PFKFB3: variants seen among roughly 807,000 people sequenced by gnomAD.
The protein encoded by PFKFB3 is 6-phosphofructo-2-kinase/fructose-2,6-bisphosphatase 3.
A neutral mutation model predicts 68.0 loss-of-function variants in PFKFB3; 33 were observed. The ratio of observed to expected loss-of-function variants is 0.49; its 90% CI spans 0.37 to 0.65. PFKFB3 has a LOEUF of 0.65. PFKFB3 is among the 30% of genes least tolerant of loss of function. PFKFB3 has a pLI of 0.00. For missense variants in PFKFB3, 586 were observed against 712.2 expected, an observed-to-expected ratio of 0.82 and a Z score of 2.02; for synonymous variants, 315 against 288.2, an observed-to-expected ratio of 1.09 and a Z score of -0.94.
chr10:6,302,361 A>C, the PFKFB3 span, among the ~76,000 whole-genome samples: 1 of 34,634 alleles, frequency 2.9e-5, no homozygotes, highest in Non-Finnish European at 6.2e-5. Flanking sequence ...GTGCCTGGCC[A>C]GTTTTTTTTT....
chr10:6,275,595 A>G, the PFKFB3 span, among the ~76,000 whole-genome samples: 1 of 152,198 alleles, frequency 6.6e-6, no homozygotes, highest in Admixed American at 6.5e-5. This position sits in a 1 kb window ranked among gnomAD's most constrained non-coding sequence, Gnocchi z 4.9. Context: ...CTTATTGTGC[A>G]AAAGGGAAAC....
the PFKFB3 span, among the ~76,000 whole-genome samples, chr10:6,325,221 C>A: frequency 2.8e-3 from 430 of 152,318 alleles, 4 homozygotes; most frequent in African/African-American, 0.01. Flanking sequence ...CCCTTGGCCT[C>A]CCAAAGTGCT....
intron 14 of PFKFB3, among the ~76,000 whole-genome samples, chr10:6,244,339 C>G (rs1410894346): frequency 6.6e-6 from 1 of 152,204 alleles, no homozygotes; most frequent in Admixed American, 6.5e-5. Context: ...TCCCAGGCAG[C>G]TTAACCACCA....
chr10:6,196,238 C>T (rs1366988268), intron 1 of PFKFB3, among the ~76,000 whole-genome samples: 1 of 151,846 alleles, frequency 6.6e-6, no homozygotes, highest in East Asian at 1.9e-4. Flanking sequence ...TCAAGCGATT[C>T]TTCCACCTCA....
chr10:6,217,578 A>C (rs10906023), intron 6 of PFKFB3, among the ~76,000 whole-genome samples: 2,127 of 152,098 alleles, frequency 0.014, 28 homozygotes, highest in South Asian at 0.034. Flanking sequence ...CCAGGAGGTA[A>C]GAATGCTTGG....
the PFKFB3 span, among the ~76,000 whole-genome samples, chr10:6,315,530 C>T: frequency 2.6e-5 from 4 of 152,164 alleles, no homozygotes; most frequent in Admixed American, 2.0e-4. Flanking sequence ...GTTGTCCAGG[C>T]TGGAGTGCAA....
intron 2 of PFKFB3, among the ~76,000 whole-genome samples, chr10:6,214,991 T>C (rs1844465141): frequency 6.6e-6 from 1 of 152,214 alleles, no homozygotes; most frequent in African/African-American, 2.4e-5. Flanking sequence ...TCGCAGAGCA[T>C]GCGGCAGGGG....
intron 1 of PFKFB3, among the ~76,000 whole-genome samples, chr10:6,184,888 G>A (rs1390576792): frequency 2.0e-5 from 3 of 151,716 alleles, no homozygotes; most frequent in Non-Finnish European, 2.9e-5. Context: ...GGCTACAGGC[G>A]TGAGCCAGCC....
chr10:6,272,300 G>C, the PFKFB3 span, among the ~76,000 whole-genome samples: 7 of 152,194 alleles, frequency 4.6e-5, no homozygotes, highest in Non-Finnish European at 1.0e-4. Context: ...AGGCTGTCTA[G>C]TGAAGGTGAT....
At position 6,243,345 on chromosome 10, in the gene PFKFB3, C is replaced by T. The variant is rs577891562; in HGVS notation, c.1516-10833C>T. On this transcript the variant is annotated intron_variant, in intron 14 of 14. Transcript: ENST00000640683. ...TTGAAGGAAACTCAACCAAGACTAT[C>T]TTTACTTAGTTATTAAATCCCAGAA... Among the ~76,000 whole-genome samples the T allele has an allele frequency of 6.6e-5, 10 of 152,316 alleles. No homozygotes were observed. The South Asian group carries it at 1.9e-3, about 28-fold the overall frequency.
exon 1 of PFKFB3, chr10:6,144,986 GC>G (rs1303594243): frequency 8.4e-6 from 11 of 1,301,872 alleles, no homozygotes; most frequent in South Asian, 6.5e-5. Flanking sequence ...CGCGGGGAGC[GC>G]CCCCGGCGCG....
the PFKFB3 span, among the ~76,000 whole-genome samples, chr10:6,294,429 A>G: frequency 6.6e-6 from 1 of 152,200 alleles, no homozygotes; most frequent in African/African-American, 2.4e-5. Context: ...GGCAGCAGGC[A>G]AGAGAGCGTG....
At chr10:6,230,691 C>T (rs1845677863) in intron 14 of PFKFB3, among the ~76,000 whole-genome samples, 1 of 151,294 alleles carries the variant, frequency 6.6e-6, no homozygotes, top group African/African-American at 2.4e-5. Context: ...GGGGAAATCC[C>T]TGGGGTCTCA....
upstream of PFKFB3, among the ~76,000 whole-genome samples, chr10:6,201,884 C>T (rs537972700): frequency 6.6e-6 from 1 of 152,272 alleles, no homozygotes; most frequent in South Asian, 2.1e-4. The surrounding 1 kb of genome is among the most constrained non-coding windows in gnomAD (Gnocchi z 4.1). Flanking sequence ...CCTGACTGCA[C>T]GACTGTCACA....
At chr10:6,323,102 C>A in the PFKFB3 span, among the ~76,000 whole-genome samples, 1 of 152,164 alleles carries the variant, frequency 6.6e-6, no homozygotes, top group African/African-American at 2.4e-5. Flanking sequence ...CGAAGCCTCA[C>A]ACAGGATATG....
rs1047349460 is a variant in PFKFB3 at position 6,202,971 on chromosome 10, C to T, written c.-290C>T. ...GGAGGCGAGCAGCAGGGCCTGGTGG[C>T]GAGAGCGCGGCTGTCACTGCGCCCG... On this transcript the variant is annotated 5_prime_UTR_variant, in exon 1 of 15. Transcript: ENST00000379775. 1.1e-4 allele frequency: 138 copies of T among 1,291,322 alleles called. 1 individual carries two copies. Among genetic ancestry groups the T allele is most frequent in the Middle Eastern group, 5.9e-4 (2 of 3,372 alleles). The allele number at this position is 1,291,322 out of a possible 1,614,324, so 80.0% of individuals were successfully genotyped here. A position where few individuals can be genotyped will look rare whatever the true frequency, so the allele number is the denominator to read the frequency against.
At chr10:6,225,416 C>T (rs1347387129) in intron 13 of PFKFB3, among the ~76,000 whole-genome samples, 2 of 152,236 alleles carry the variant, frequency 1.3e-5, no homozygotes, top group Non-Finnish European at 2.9e-5. Context: ...ATGTGGGTCA[C>T]CGGATGCTGT....
intron 1 of PFKFB3, among the ~76,000 whole-genome samples, chr10:6,173,997 G>A (rs187902931): frequency 4.9e-4 from 75 of 152,222 alleles, no homozygotes; most frequent in African/African-American, 1.7e-3. Context: ...CAGATAGTAG[G>A]CACGGAAAGA....
the PFKFB3 span, among the ~76,000 whole-genome samples, chr10:6,309,524 A>T: frequency 1.3e-5 from 2 of 152,182 alleles, no homozygotes; most frequent in African/African-American, 4.8e-5. Context: ...TGGGAAGCTG[A>T]GGCAGGAGAA....
Sources: allele counts gnomAD v4.1 joint callset (sites outside exome capture counted in the v4.1 genomes callset), GRCh38; gene constraint gnomAD v4.1.1; non-coding constraint Gnocchi (gnomAD v3.1); transcripts MANE v1.5; gene names NCBI Gene and HGNC (gene_info 2026-07-23, HGNC 2026-07-21).